The following LOC400499 variants were observed in gnomAD, a reference collection of about 807,000 sequenced individuals.
At chr16:11,448,091 C>A in the LOC400499 span, 1 of 1,531,452 alleles carries the variant, frequency 6.5e-7, no homozygotes, top group Non-Finnish European at 8.7e-7. Flanking sequence ...AAGATCCAGG[C>A]TGAAGAGAGG....
At chr16:11,489,291 A>G in the LOC400499 span, among the ~76,000 whole-genome samples, 2 of 152,212 alleles carry the variant, frequency 1.3e-5, no homozygotes, top group Non-Finnish European at 2.9e-5. Context: ...GTGGCCTGAG[A>G]TGGTCACTCC....
chr16:11,441,944 T>C, the LOC400499 span, among the ~76,000 whole-genome samples: 2 of 152,222 alleles, frequency 1.3e-5, no homozygotes, highest in African/African-American at 4.8e-5. Flanking sequence ...AGAGATTCGT[T>C]ATGGCAGCCA....
chr16:11,492,436 T>C, the LOC400499 span, among the ~76,000 whole-genome samples: 1 of 152,060 alleles, frequency 6.6e-6, no homozygotes, highest in Non-Finnish European at 1.5e-5. Context: ...CACCTGAAGC[T>C]GGTATCCTAG....
At chr16:11,520,569 A>G in the LOC400499 span, among the ~76,000 whole-genome samples, 1 of 151,016 alleles carries the variant, frequency 6.6e-6, no homozygotes, top group African/African-American at 2.4e-5. Context: ...CAGGAGGCTG[A>G]CGCAGGAGAA....
the LOC400499 span, chr16:11,493,721 C>A: frequency 2.5e-6 from 1 of 396,718 alleles, no homozygotes; most frequent in African/African-American, 2.1e-5. Flanking sequence ...CTCAGAGATG[C>A]ACAGGCACTC....
At chr16:11,390,927 G>A in the LOC400499 span, among the ~76,000 whole-genome samples, 1 of 152,212 alleles carries the variant, frequency 6.6e-6, no homozygotes, top group East Asian at 1.9e-4. Flanking sequence ...GTGTGAAAGC[G>A]CTGGGACTGG....
the LOC400499 span, among the ~76,000 whole-genome samples, chr16:11,470,104 G>C: frequency 7.2e-5 from 11 of 152,208 alleles, no homozygotes; most frequent in African/African-American, 2.6e-4. Flanking sequence ...GTAGAGATGG[G>C]GTTTCACCAT....
At chr16:11,451,132 T>A in the LOC400499 span, among the ~76,000 whole-genome samples, 1 of 152,194 alleles carries the variant, frequency 6.6e-6, no homozygotes, top group Non-Finnish European at 1.5e-5. Context: ...CAATTTACTT[T>A]CAACTGCACG....
chr16:11,443,417 A>G, the LOC400499 span: 1 of 429,290 alleles, frequency 2.3e-6, no homozygotes, highest in East Asian at 7.6e-5. Context: ...GCTGAGATCA[A>G]GTCATTGCAC....
At chr16:11,388,709 A>G in the LOC400499 span, among the ~76,000 whole-genome samples, 1 of 152,138 alleles carries the variant, frequency 6.6e-6, no homozygotes, top group East Asian at 1.9e-4. Flanking sequence ...AGACCAGCTG[A>G]GCCCCACCTA....
chr16:11,527,270 A>G, the LOC400499 span, among the ~76,000 whole-genome samples: 3 of 152,178 alleles, frequency 2.0e-5, no homozygotes, highest in Non-Finnish European at 4.4e-5. Flanking sequence ...AGGAGGGCTC[A>G]GCTTTAACCC....
the LOC400499 span, among the ~76,000 whole-genome samples, chr16:11,507,880 G>T: frequency 6.6e-6 from 1 of 152,096 alleles, no homozygotes; most frequent in African/African-American, 2.4e-5. Flanking sequence ...GCTGCAGTGA[G>T]CCATGATTTC....
At chr16:11,410,850 G>C in the LOC400499 span, among the ~76,000 whole-genome samples, 35,025 of 152,238 alleles carry the variant, frequency 0.23, 4,732 homozygotes, top group African/African-American at 0.37. Context: ...GCCCTCCTGT[G>C]CACTCCTACG....
At chr16:11,385,998 T>C in the LOC400499 span, among the ~76,000 whole-genome samples, 3 of 152,102 alleles carry the variant, frequency 2.0e-5, no homozygotes, top group Non-Finnish European at 4.4e-5. Context: ...ATGGCGCCAC[T>C]GCACTCCAGC....
chr16:11,431,303 G>C, the LOC400499 span: 1 of 398,696 alleles, frequency 2.5e-6, no homozygotes, highest in South Asian at 1.3e-4. Context: ...CCCCAATGCT[G>C]CTGCTCACTA....
At chr16:11,422,799 T>C in the LOC400499 span, among the ~76,000 whole-genome samples, 2 of 152,212 alleles carry the variant, frequency 1.3e-5, no homozygotes, top group Admixed American at 6.5e-5. Flanking sequence ...TGAAGCCACC[T>C]GAGCTGAGCT....
At chr16:11,527,228 C>T in the LOC400499 span, among the ~76,000 whole-genome samples, 1 of 152,280 alleles carries the variant, frequency 6.6e-6, no homozygotes, top group South Asian at 2.1e-4. Context: ...AGCAGCTCAG[C>T]GTGGTCCTGA....
the LOC400499 span, among the ~76,000 whole-genome samples, chr16:11,460,243 C>A: frequency 6.6e-6 from 1 of 152,210 alleles, no homozygotes; most frequent in Non-Finnish European, 1.5e-5. Flanking sequence ...CCCACCCAGA[C>A]TGGAGTACAG....
chr16:11,459,352 G>A, the LOC400499 span, among the ~76,000 whole-genome samples: 2 of 151,458 alleles, frequency 1.3e-5, no homozygotes, highest in South Asian at 2.1e-4. Flanking sequence ...ACCTGCCCCC[G>A]CGCCCAGCTA....
Sources: gnomAD v4.1 joint callset for allele counts (sites outside exome capture counted in the v4.1 genomes callset) on GRCh38, gnomAD v4.1.1 for gene constraint, MANE v1.5 for transcripts.